TCP11: variants seen among roughly 807,000 people sequenced by gnomAD.
TCP11 encodes T-complex protein 11 homolog.
In TCP11, 34 loss-of-function variants were observed where a neutral mutation model predicts 45.0. That is an observed-to-expected ratio of 0.76 (90% CI 0.57 to 1.01). The LOEUF (loss-of-function observed/expected upper bound fraction) is 1.01, where lower values mean the gene tolerates loss of function less well. Among genes scored for constraint, TCP11 ranks in the 50% least tolerant of loss-of-function variants. The pLI, the probability that TCP11 is intolerant of heterozygous loss-of-function variation, is 0.00. For synonymous variants in TCP11, 227 were observed against 227.0 expected, an observed-to-expected ratio of 1.00 and a Z score of 0.00; for missense variants, 523 against 598.1, an observed-to-expected ratio of 0.87 and a Z score of 1.31.
chr6:35,119,918 C>T (rs925502912), intron 8 of TCP11, among the ~76,000 whole-genome samples: 1 of 152,140 alleles, frequency 6.6e-6, no homozygotes, highest in East Asian at 1.9e-4. Flanking sequence ...AGCCCACAGT[C>T]ACCACTCAAC....
intron 5 of TCP11, among the ~76,000 whole-genome samples, 158 bp from the exon 6 acceptor site, chr6:35,121,203 C>G (rs1213965608): frequency 2.6e-5 from 4 of 152,066 alleles, no homozygotes; most frequent in Admixed American, 2.6e-4. Flanking sequence ...AACCCAATAC[C>G]CAGGGTGAGT....
chr6:35,141,121 T>C, intron 1 of TCP11, 84 bp downstream of exon 1: 1 of 1,305,676 alleles, frequency 7.7e-7, no homozygotes, highest in Non-Finnish European at 9.7e-7. Flanking sequence ...GCGGGAAGCG[T>C]GGGAAGGCCC....
chr6:35,120,241 C>T lies in TCP11; in HGVS notation c.1033G>A (p.Gly345Ser), dbSNP rs2234046. 2.5e-5 allele frequency: 41 copies of T among 1,614,074 alleles called. No individual in the cohort carries two copies. The African/African-American group carries it at 3.7e-4, about 15-fold the overall frequency. ...SVLLVASSFS[G>S]SVLFGSPQFV... is the part of the protein sequence containing the mutation. ...TGGGGTGAGCCAAACAAAACACTGC[C>T]GGAGAAACTACTGGCCACCAGCAAG... The change falls in exon 8 of 10, where the codon GGC becomes AGC. Residue 345 changes from glycine to serine, a missense_variant. Gly to Ser is a moderately conservative substitution (Grantham distance 56). Transcript: ENST00000311875. This position sits in a 1 kb window ranked among gnomAD's most constrained non-coding sequence, Gnocchi z 4.9.
chr6:35,125,183 C>CA (rs35594738), intron 4 of TCP11, among the ~76,000 whole-genome samples: 3,572 of 70,528 alleles, frequency 0.051, 72 homozygotes, highest in Middle Eastern at 0.12. Context: ...GACTCTGTCT[C>CA]AAAAAAAAAA....
intron 1 of TCP11, 85 bp downstream of exon 1, chr6:35,141,120 G>T: frequency 7.7e-7 from 1 of 1,306,072 alleles, no homozygotes; most frequent in South Asian, 2.1e-5. Flanking sequence ...GGCGGGAAGC[G>T]TGGGAAGGCC....
At chr6:35,124,816 T>A (rs1779640703) in intron 4 of TCP11, among the ~76,000 whole-genome samples, 1 of 152,056 alleles carries the variant, frequency 6.6e-6, no homozygotes, top group Non-Finnish European at 1.5e-5. Context: ...ACCTTTACCT[T>A]ACCCCCATAT....
rs900479844 is a variant in TCP11, at chr6:35,129,193, G to A, written c.237-11C>T. 2 of 1,607,446 alleles carry A rather than the reference G, an allele frequency of 1.2e-6. No individual in the cohort carries two copies. The highest frequency in any genetic ancestry group is 1.3e-5 in the African/African-American group (1 of 74,560). The stretch of plus-strand genomic sequence containing the variant: ...ACCTTGCCTTCCAGACTATAAGAGG[G>A]TTAAATGAGCAGATTACTCTCTCAA... On this transcript the variant is annotated splice_polypyrimidine_tract_variant and intron_variant, in intron 3 of 9. Transcript: ENST00000311875.
chr6:35,141,208 C>T lies in TCP11; in HGVS notation c.-18G>A, dbSNP rs2127701247. 1 of 1,406,748 alleles carries T rather than the reference C, an allele frequency of 7.1e-7. No individual in the cohort carries two copies. The allele number at this position is 1,406,748 out of a possible 1,614,324, so 87.1% of individuals were successfully genotyped here. A position where few individuals can be genotyped will look rare whatever the true frequency, so the allele number is the denominator to read the frequency against. On this transcript the variant is annotated 5_prime_UTR_variant, in exon 1 of 10. Transcript: ENST00000311875. ...CCTCCGGCTCCCAGGCCGTCACCTC[C>T]TCCTCCCCCGCCGCGGGTCATCCAC...
chr6:35,135,685 C>A (rs994469671), intron 3 of TCP11, among the ~76,000 whole-genome samples: 1 of 151,064 alleles, frequency 6.6e-6, no homozygotes, highest in Non-Finnish European at 1.5e-5. Context: ...GAGGCCATGA[C>A]CATACTACTG....
intron 2 of TCP11, chr6:35,137,684 T>C: frequency 4.8e-6 from 2 of 418,478 alleles, no homozygotes; most frequent in Non-Finnish European, 9.5e-6. Context: ...GTATATATGG[T>C]AGTTACAATG....
chr6:35,125,520 G>T (rs1779726409), intron 4 of TCP11, among the ~76,000 whole-genome samples: 1 of 152,180 alleles, frequency 6.6e-6, no homozygotes, highest in African/African-American at 2.4e-5. Context: ...AGCAAATGCT[G>T]GCTAGGATGT....
chr6:35,120,051 A>G lies in TCP11; in HGVS notation c.1115+108T>C. The G allele has an allele frequency of 7.3e-7, 1 of 1,364,068 alleles. No homozygotes were observed. Among genetic ancestry groups the G allele is most frequent in the Non-Finnish European group, 9.9e-7 (1 of 1,008,866 alleles). 84.5% of individuals were successfully genotyped at this position (1,364,068 alleles called of 1,614,324 possible). On this transcript the variant is annotated intron_variant, in intron 8 of 9. Coordinates refer to ENST00000311875, the MANE Select transcript of TCP11 (RefSeq NM_001370687.1). The surrounding 1 kb of genome is among the most constrained non-coding windows in gnomAD (Gnocchi z 4.9). ...CAACAATCTTTGTAGATGGTTCCACAGGGCCTTTCTGTGGTTTGTGGTAGA... is the reference window on the plus strand; with the variant it reads ...CAACAATCTTTGTAGATGGTTCCACGGGGCCTTTCTGTGGTTTGTGGTAGA...
chr6:35,128,977 T>C (rs1293503921), intron 4 of TCP11, 85 bp downstream of exon 4: 8 of 1,532,822 alleles, frequency 5.2e-6, no homozygotes, highest in Non-Finnish European at 7.1e-6. Context: ...ATGGACCATG[T>C]TCAGTTAAGA....
At chr6:35,127,254 A>G (rs6926532) in intron 4 of TCP11, among the ~76,000 whole-genome samples, 27,157 of 152,090 alleles carry the variant, frequency 0.18, 2,991 homozygotes, top group African/African-American at 0.29. Context: ...CCAATGAGAA[A>G]TTGGATTGTG....
At chr6:35,140,030 T>C (rs780118880) in intron 2 of TCP11, 18 of 1,614,060 alleles carry the variant, frequency 1.1e-5, no homozygotes, top group Admixed American at 3.3e-5. Context: ...CTCAGGTTCA[T>C]AGCTGTTGGA....
In TCP11 at chr6:35,123,476, G is replaced by A. The variant is rs111309331; in HGVS notation, c.358-1139C>T. 7.4e-3 allele frequency among the ~76,000 whole-genome samples: 1,123 copies of A among 151,872 alleles called. 3 individuals carry two copies. The highest frequency in any genetic ancestry group is 0.018 in the South Asian group (86 of 4,814). On this transcript the variant is annotated intron_variant, in intron 4 of 9. Coordinates refer to ENST00000311875, the MANE Select transcript of TCP11 (RefSeq NM_001370687.1). ...TAAAAAAAAGGCATAACACTTAGTA[G>A]GCCTTTTATAATATTTTTTTTCTTT...
intron 3 of TCP11, among the ~76,000 whole-genome samples, chr6:35,134,050 C>T (rs1210879229): frequency 2.0e-5 from 3 of 152,080 alleles, no homozygotes; most frequent in Non-Finnish European, 4.4e-5. Flanking sequence ...AAATCTTTAT[C>T]TGTGCCTGTT....
intron 1 of TCP11, 132 bp downstream of exon 1, chr6:35,141,073 G>A: frequency 8.2e-7 from 1 of 1,226,548 alleles, no homozygotes; most frequent in Non-Finnish European, 1.0e-6. Context: ...GCGCTGGGCG[G>A]CAACGAGGAA....
Position 35,120,099 on chromosome 6 carries a change from T to C in TCP11, c.1115+60A>G. ...AGACAGTAAGCAATCGTTCATTACCTGCCTATGTTCTAAATACCACATATC... is the reference window on the plus strand; with the variant it reads ...AGACAGTAAGCAATCGTTCATTACCCGCCTATGTTCTAAATACCACATATC... On this transcript the variant is annotated intron_variant, in intron 8 of 9. Coordinates refer to ENST00000311875, the MANE Select transcript of TCP11 (RefSeq NM_001370687.1). This position sits in a 1 kb window ranked among gnomAD's most constrained non-coding sequence, Gnocchi z 4.9. The C allele has an allele frequency of 1.3e-6, 2 of 1,561,790 alleles. No individual in the cohort carries two copies. Among genetic ancestry groups the C allele is most frequent in the Non-Finnish European group, 1.7e-6 (2 of 1,150,316 alleles).
Sources: allele counts gnomAD v4.1 joint callset (sites outside exome capture counted in the v4.1 genomes callset), GRCh38; gene constraint gnomAD v4.1.1; non-coding constraint Gnocchi (gnomAD v3.1); transcripts MANE v1.5; gene names NCBI Gene and HGNC (gene_info 2026-07-23, HGNC 2026-07-21).